LMAN1: variants seen among roughly 807,000 people sequenced by gnomAD.
The protein encoded by LMAN1 is lectin, mannose binding 1.
In LMAN1, 32 loss-of-function variants were observed where a neutral mutation model predicts 67.8. That is an observed-to-expected ratio of 0.47 (90% CI 0.36 to 0.63). The LOEUF is 0.63. LMAN1 is among the 30% of genes least tolerant of loss of function. The pLI, the probability that LMAN1 is intolerant of heterozygous loss-of-function variation, is 0.00. For synonymous variants in LMAN1, 235 were observed against 219.3 expected, an observed-to-expected ratio of 1.07 and a Z score of -0.63; for missense variants, 632 against 628.2, an observed-to-expected ratio of 1.01 and a Z score of -0.06.
In LMAN1 at chr18:59,329,847, GAAGTA is replaced by G. The variant is rs1361429584; in HGVS notation, c.*1241_*1245del. On this transcript the variant is annotated 3_prime_UTR_variant, in exon 13 of 13. Coordinates refer to ENST00000251047, the MANE Select transcript of LMAN1 (RefSeq NM_005570.4). ...TGAAAGACAACCATTTTAGCTAAAAGAAGTAAAAGAGTATTTTGAAGGCAGCAAAA... is the reference window on the plus strand; with the variant it reads ...TGAAAGACAACCATTTTAGCTAAAAGAAAGAGTATTTTGAAGGCAGCAAAA... 2 of 152,252 alleles carry G rather than the reference GAAGTA, an allele frequency of 1.3e-5. No individual in the cohort carries two copies. The highest frequency in any genetic ancestry group is 2.1e-4 in the South Asian group (1 of 4,826). 9.4% of individuals were successfully genotyped at this position (152,252 alleles called of 1,614,324 possible). A position where few individuals can be genotyped will look rare whatever the true frequency, so the allele number is the denominator to read the frequency against.
rs138299784 is a variant in LMAN1, at chr18:59,355,295, T to C, written c.477+18A>G. ...ATAGATGTATTAAAGTGGATAACAG[T>C]CCTGACAATAAATATACCTTTCCAT... On this transcript the variant is annotated intron_variant, in intron 3 of 12. Transcript: ENST00000251047. 1.5e-4 allele frequency: 240 copies of C among 1,558,730 alleles called. No individual in the cohort carries two copies. The highest frequency in any genetic ancestry group is 2.0e-4 in the Non-Finnish European group (231 of 1,132,824).
At chr18:59,350,769 A>C (rs2144228200) in intron 5 of LMAN1, among the ~76,000 whole-genome samples, 1 of 152,332 alleles carries the variant, frequency 6.6e-6, no homozygotes, top group Admixed American at 6.5e-5. Flanking sequence ...TGCTAGGATT[A>C]CATGTGTGAG....
rs200829791 is a variant in LMAN1 at position 59,333,248 on chromosome 18, A to G, written c.1221-4T>C. The G allele has an allele frequency of 1.2e-3, 1,950 of 1,612,822 alleles. 4 individuals are homozygous for G. Among genetic ancestry groups the G allele is most frequent in the Non-Finnish European group, 1.6e-3 (1,832 of 1,179,244 alleles). On this transcript the variant is annotated splice_polypyrimidine_tract_variant and splice_region_variant and intron_variant, in intron 10 of 12. Transcript: ENST00000251047. ...GACGGTTTCACTCATGGAATTTCTG[A>G]AACAGAAAGTCTCTTGATACAATAA...
chr18:59,346,081 TA>T (rs764311153), intron 7 of LMAN1, 30 bp from the exon 8 acceptor site: 1 of 1,552,534 alleles, frequency 6.4e-7, no homozygotes, highest in Admixed American at 1.8e-5. Flanking sequence ...AATAGATCAT[TA>T]AAAAGATAAG....
In LMAN1 at chr18:59,328,773, T is replaced by C. The variant is rs1346611524; in HGVS notation, c.*2320A>G. Reference sequence around the variant, plus strand: ...ATCCCCTTAATACATAACAAAACATTGTTTACTGTTTATGACTTCATGGTA... The same window carrying C: ...ATCCCCTTAATACATAACAAAACATCGTTTACTGTTTATGACTTCATGGTA... On this transcript the variant is annotated 3_prime_UTR_variant, in exon 13 of 13. Coordinates refer to ENST00000251047, the MANE Select transcript of LMAN1 (RefSeq NM_005570.4). 1.3e-5 allele frequency: 2 copies of C among 152,182 alleles called. No individual in the cohort carries two copies. Among genetic ancestry groups the C allele is most frequent in the African/African-American group, 4.8e-5 (2 of 41,436 alleles). The allele number at this position is 152,182 out of a possible 1,614,324, so 9.4% of individuals were successfully genotyped here.
At chr18:59,352,734 G>T in intron 5 of LMAN1, 1 of 181,334 alleles carries the variant, frequency 5.5e-6, no homozygotes, top group Non-Finnish European at 1.2e-5. Flanking sequence ...CCTCCACCTG[G>T]CAGTTACAGG....
intron 11 of LMAN1, among the ~76,000 whole-genome samples, chr18:59,332,342 GAA>G (rs1172497395): frequency 6.6e-6 from 1 of 151,806 alleles, no homozygotes; most frequent in Non-Finnish European, 1.5e-5. Context: ...AGCCATCTTT[GAA>G]AAAAATGTAT....
chr18:59,339,848 T>C (rs1908248179), intron 8 of LMAN1, among the ~76,000 whole-genome samples: 1 of 152,112 alleles, frequency 6.6e-6, no homozygotes, highest in South Asian at 2.1e-4. Context: ...GAAGGGACCC[T>C]ACCCTCTCTG....
Position 59,359,137 on chromosome 18 carries a change from G to T in LMAN1, c.108C>A (p.Asp36Glu), listed in dbSNP as rs150194245. 1.3e-5 allele frequency: 21 copies of T among 1,613,988 alleles called. No homozygotes were observed. The African/African-American group carries it at 2.8e-4, about 22-fold the overall frequency. The part of the protein sequence containing the change: ...RFVRGDGVGG[D>E]PAVALPHRRF... The stretch of plus-strand genomic sequence containing the variant: ...GGCGATGTGGCAACGCGACCGCGGG[G>T]TCTCCTCCCACGCCGTCGCCCCGGA... The change falls in exon 1 of 13, where the codon GAC (aspartate) becomes GAA (glutamate). Residue 36 changes from aspartate (D) to glutamate (E), a missense_variant. Physicochemically the swap from Asp to Glu is conservative, Grantham distance 45. Coordinates refer to ENST00000251047, the MANE Select transcript of LMAN1 (RefSeq NM_005570.4).
At chr18:59,343,505 C>T (rs1424317109) in intron 8 of LMAN1, among the ~76,000 whole-genome samples, 5 of 152,034 alleles carry the variant, frequency 3.3e-5, no homozygotes, top group Admixed American at 3.3e-4. Context: ...CACATACCTA[C>T]AATCAACTGA....
intron 1 of LMAN1, among the ~76,000 whole-genome samples, chr18:59,358,722 G>C (rs1908720223): frequency 6.6e-6 from 1 of 152,092 alleles, no homozygotes; most frequent in Admixed American, 6.5e-5. Flanking sequence ...TGAGTGCTAG[G>C]AAGTGTAGGA....
intron 10 of LMAN1, among the ~76,000 whole-genome samples, chr18:59,337,708 G>A (rs541406772): frequency 3.9e-5 from 6 of 152,290 alleles, no homozygotes; most frequent in African/African-American, 7.2e-5. Flanking sequence ...TTTCAATCAT[G>A]AGTTCAGATT....
At chr18:59,357,086 T>C (rs988481544) in intron 1 of LMAN1, among the ~76,000 whole-genome samples, 8 of 152,310 alleles carry the variant, frequency 5.3e-5, no homozygotes, top group Admixed American at 3.9e-4. Flanking sequence ...ATGATCAATG[T>C]AGTTACAGTG....
At chr18:59,355,683 AG>A in intron 1 of LMAN1, 25 bp from the exon 2 acceptor site, 1 of 1,610,478 alleles carries the variant, frequency 6.2e-7, no homozygotes, top group Non-Finnish European at 8.5e-7. Flanking sequence ...AGGGGAAAAA[AG>A]CTTTAAGTTA....
At chr18:59,332,395 CA>C (rs2070753000) in intron 11 of LMAN1, among the ~76,000 whole-genome samples, 2 of 152,014 alleles carry the variant, frequency 1.3e-5, no homozygotes, top group African/African-American at 4.8e-5. Flanking sequence ...AGAGAGTTAT[CA>C]AAAAATATAA....
intron 8 of LMAN1, among the ~76,000 whole-genome samples, chr18:59,344,244 G>C (rs187944652): frequency 1.3e-5 from 2 of 152,140 alleles, no homozygotes; most frequent in Non-Finnish European, 1.5e-5. Context: ...AATTCTCAAA[G>C]AACTAAAATT....
At chr18:59,341,061 G>A (rs1908275852) in intron 8 of LMAN1, among the ~76,000 whole-genome samples, 1 of 152,020 alleles carries the variant, frequency 6.6e-6, no homozygotes, top group South Asian at 2.1e-4. Flanking sequence ...AAAAGTGAGA[G>A]GAGTAGCTGT....
intron 10 of LMAN1, 22 bp downstream of exon 10, chr18:59,338,535 A>G (rs2144214845): frequency 6.2e-7 from 1 of 1,600,306 alleles, no homozygotes; most frequent in East Asian, 2.2e-5. Context: ...ATAACACACA[A>G]ACGCTACTTT....
chr18:59,334,929 A>G (rs1412564365), intron 10 of LMAN1, among the ~76,000 whole-genome samples: 1 of 152,100 alleles, frequency 6.6e-6, no homozygotes, highest in Non-Finnish European at 1.5e-5. Context: ...AACTTACTGT[A>G]TGCATGACAT....
Sources: gnomAD v4.1 joint callset for allele counts (sites outside exome capture counted in the v4.1 genomes callset) on GRCh38, gnomAD v4.1.1 for gene constraint, MANE v1.5 for transcripts, NCBI Gene and HGNC (gene_info 2026-07-23, HGNC 2026-07-21) for gene names.